SYPL2: variants seen among roughly 807,000 people sequenced by gnomAD.
The protein encoded by SYPL2 is synaptophysin like 2, also known as synaptophysin-like protein 2.
In SYPL2, 24 loss-of-function variants were observed where a neutral mutation model predicts 31.3. The observed-to-expected ratio is 0.77, with a 90% CI of 0.56 to 1.08. The LOEUF (loss-of-function observed/expected upper bound fraction) is 1.08, where lower values mean the gene tolerates loss of function less well. SYPL2 is among the 50% of genes least tolerant of loss of function. The probability of loss-of-function intolerance (pLI) is 0.00; values close to 1 mark genes in which losing one functional copy is unlikely to be tolerated. For synonymous variants in SYPL2, 144 were observed against 143.1 expected, an observed-to-expected ratio of 1.01 and a Z score of -0.05; for missense variants, 342 against 360.1, an observed-to-expected ratio of 0.95 and a Z score of 0.41.
Position 109,477,877 on chromosome 1 carries a change from C to T in SYPL2, c.516C>T (p.Gly172=), listed in dbSNP as rs778048184. ...GGCTGGTAGCTGCAGCTGCCTGGGG[C>T]AAGGGCCTGACCGATGTCAAGGGGG... The part of the protein sequence containing the change: ...FFWLVAAAAW[G]KGLTDVKGAT... The change falls in exon 5 of 6, where the codon GGC becomes GGT. Residue 172 remains glycine (G), a synonymous_variant. Transcript: ENST00000369872. 5.0e-6 allele frequency: 8 copies of T among 1,614,044 alleles called. No individual in the cohort carries two copies. The highest frequency in any genetic ancestry group is 6.8e-6 in the Non-Finnish European group (8 of 1,179,962).
chr1:109,467,961 T>C (rs980379381), intron 2 of SYPL2, among the ~76,000 whole-genome samples: 1 of 152,200 alleles, frequency 6.6e-6, no homozygotes, highest in Non-Finnish European at 1.5e-5. Context: ...TAGTTTGGTG[T>C]GCCAGAATAT....
At position 109,468,268 on chromosome 1, in the gene SYPL2, A is replaced by C. The variant is rs549362433; in HGVS notation, c.129+1135A>C. Reference sequence around the variant, plus strand: ...CAGTACAGAATTCAGCTAGGGAATAAGTTACCATTAATACTGAGGAGGATT... The same window carrying C: ...CAGTACAGAATTCAGCTAGGGAATACGTTACCATTAATACTGAGGAGGATT... On this transcript the variant is annotated intron_variant, in intron 2 of 5. Transcript: ENST00000369872. 5.3e-5 allele frequency among the ~76,000 whole-genome samples: 8 copies of C among 152,362 alleles called. No homozygotes were observed. The East Asian group carries it at 1.5e-3, about 29-fold the overall frequency.
At position 109,481,127 on chromosome 1, in the gene SYPL2, A is replaced by G. The variant is rs550050355; in HGVS notation, c.*1579A>G. 35 of 152,758 alleles carry G rather than the reference A, an allele frequency of 2.3e-4. No homozygotes were observed. Among genetic ancestry groups the G allele is most frequent in the African/African-American group, 8.4e-4 (35 of 41,560 alleles). The allele number at this position is 152,758 out of a possible 1,614,324, so 9.5% of individuals were successfully genotyped here. On this transcript the variant is annotated 3_prime_UTR_variant, in exon 6 of 6. Transcript: ENST00000369872. ...AAACACCATCCATAGTAACATGTGC[A>G]TTACTGGGGTACCTAGGAGTCAGGA...
chr1:109,472,204 C>G (rs1026024235), intron 2 of SYPL2, among the ~76,000 whole-genome samples: 5 of 151,914 alleles, frequency 3.3e-5, no homozygotes, highest in African/African-American at 1.2e-4. Flanking sequence ...GTAGCTTTGA[C>G]CTCCTGGGCT....
chr1:109,475,834 C>T (rs1487393471), intron 3 of SYPL2, 129 bp downstream of exon 3: 3 of 1,351,822 alleles, frequency 2.2e-6, no homozygotes, highest in Non-Finnish European at 3.0e-6. Flanking sequence ...AATAGAATGA[C>T]AAAACTTAGA....
rs1464452821 is a variant in SYPL2 at position 109,480,100 on chromosome 1, G to A, written c.*552G>A. 6.5e-6 allele frequency: 1 copy of A among 152,744 alleles called. No homozygotes were observed. Among genetic ancestry groups the A allele is most frequent in the Non-Finnish European group, 1.5e-5 (1 of 68,550 alleles). The allele number at this position is 152,744 out of a possible 1,614,324, so 9.5% of individuals were successfully genotyped here. A position where few individuals can be genotyped will look rare whatever the true frequency, so the allele number is the denominator to read the frequency against. ...AGTGTGCCTTCCACTGTCTTCTCTGGCCTCTGCCTGCCCACAGAATCCACC... is the reference window on the plus strand; with the variant it reads ...AGTGTGCCTTCCACTGTCTTCTCTGACCTCTGCCTGCCCACAGAATCCACC... On this transcript the variant is annotated 3_prime_UTR_variant, in exon 6 of 6. Coordinates refer to ENST00000369872, the MANE Select transcript of SYPL2 (RefSeq NM_001040709.2).
At chr1:109,467,239 A>C in intron 2 of SYPL2, 106 bp downstream of exon 2, 7 of 396,084 alleles carry the variant, frequency 1.8e-5, no homozygotes, top group Non-Finnish European at 2.3e-5. Context: ...CGGCCGGGCC[A>C]CGGCGGAAGG....
chr1:109,479,164 T>C (rs1656088974), intron 5 of SYPL2, among the ~76,000 whole-genome samples: 1 of 152,206 alleles, frequency 6.6e-6, no homozygotes, highest in Non-Finnish European at 1.5e-5. Flanking sequence ...GGGTGCATGG[T>C]GTGGACAGAA....
At position 109,470,780 on chromosome 1, in the gene SYPL2, G is replaced by C. The variant is rs145291952; in HGVS notation, c.129+3647G>C. Among the ~76,000 whole-genome samples the C allele has an allele frequency of 2.4e-3, 360 of 152,264 alleles. 1 individual carries two copies. The highest frequency in any genetic ancestry group is 3.7e-3 in the Non-Finnish European group (252 of 68,024). ...GGTTAGGAGACATGGAGGGGGTTGG[G>C]AGAAAGTGTCTTTCTGAGCTTCTGC... is the stretch of plus-strand genomic sequence containing the variant. On this transcript the variant is annotated intron_variant, in intron 2 of 5. Transcript: ENST00000369872.
intron 3 of SYPL2, 140 bp downstream of exon 3, chr1:109,475,845 T>C: frequency 3.9e-6 from 5 of 1,291,304 alleles, no homozygotes; most frequent in Non-Finnish European, 5.2e-6. Context: ...AAAACTTAGA[T>C]CCTTTCTGCT....
rs1656158278 is a variant in SYPL2 at position 109,481,447 on chromosome 1, TG to T, written c.*1904del. On this transcript the variant is annotated 3_prime_UTR_variant, in exon 6 of 6. Transcript: ENST00000369872. ...TCATTTTTCTTCAAGCCGGCCTCTG[TG>T]GGGGTCTGTGAGCAGCTTCTACTGG... 6.6e-6 allele frequency: 1 copy of T among 152,520 alleles called. No homozygotes were observed. Among genetic ancestry groups the T allele is most frequent in the African/African-American group, 2.4e-5 (1 of 41,368 alleles). 9.4% of individuals were successfully genotyped at this position (152,520 alleles called of 1,614,324 possible).
intron 2 of SYPL2, among the ~76,000 whole-genome samples, chr1:109,473,986 A>ACCTAGGTTTCCATACT (rs1162069708): frequency 6.6e-6 from 1 of 152,080 alleles, no homozygotes; most frequent in African/African-American, 2.4e-5. Context: ...CAGGTCTGGA[A>ACCTAGGTTTCCATACT]CCTAGGTTTC....
chr1:109,471,582 T>C (rs78303704), intron 2 of SYPL2, among the ~76,000 whole-genome samples: 1 of 16,758 alleles, frequency 6.0e-5, no homozygotes, highest in African/African-American at 1.2e-4. Flanking sequence ...CTGAACTGAA[T>C]TTTTTTTTTT....
chr1:109,479,423 T>G lies in SYPL2; in HGVS notation c.694T>G (p.Phe232Val). The G allele has an allele frequency of 1.2e-6, 2 of 1,614,148 alleles. No individual in the cohort carries two copies. Among genetic ancestry groups the G allele is most frequent in the African/African-American group, 1.3e-5 (1 of 75,024 alleles). The change falls in exon 6 of 6, where the codon TTT becomes GTT. Residue 232 changes from phenylalanine to valine, a missense_variant. By Grantham distance (50) the Phe-to-Val change is conservative. Transcript: ENST00000369872. ...CTTCCTGTGGGCCGGGAACTGTTGG[T>G]TTGTGTTCAAGGAGACCCCGTGGCA... ...NFFLWAGNCW[F>V]VFKETPWHGQ...
rs925974526 is a variant in SYPL2, at chr1:109,466,600, G to C, written c.-244G>C. On this transcript the variant is annotated 5_prime_UTR_variant, in exon 1 of 6. Coordinates refer to ENST00000369872, the MANE Select transcript of SYPL2 (RefSeq NM_001040709.2). ...GACAGAAGTTTGAATCCGAGTCGGG[G>C]GCTTTCTGCTGCCGGCGGGGCACCG... 4.9e-6 allele frequency: 2 copies of C among 406,948 alleles called. No homozygotes were observed. The highest frequency in any genetic ancestry group is 4.2e-5 in the African/African-American group (2 of 47,598). The allele number at this position is 406,948 out of a possible 1,614,324, so 25.2% of individuals were successfully genotyped here.
intron 2 of SYPL2, 180 bp from the exon 3 acceptor site, chr1:109,475,401 C>T (rs969291311): frequency 2.4e-6 from 2 of 820,014 alleles, no homozygotes; most frequent in African/African-American, 3.5e-5. Context: ...GTCCAGCAGC[C>T]TGAGGCTGGA....
Position 109,481,081 on chromosome 1 carries a change from C to T in SYPL2, c.*1533C>T, listed in dbSNP as rs541040449. Reference sequence around the variant, plus strand: ...CTCTCCTCAGGACTGAGTCAACCCCCTTCAACCTCCTCACCTCTCTAAACA... The same window carrying T: ...CTCTCCTCAGGACTGAGTCAACCCCTTTCAACCTCCTCACCTCTCTAAACA... On this transcript the variant is annotated 3_prime_UTR_variant, in exon 6 of 6. Transcript: ENST00000369872. 1.8e-4 allele frequency: 28 copies of T among 152,800 alleles called. No homozygotes were observed. The highest frequency in any genetic ancestry group is 6.7e-4 in the African/African-American group (28 of 41,564). 9.5% of individuals were successfully genotyped at this position (152,800 alleles called of 1,614,324 possible). A position where few individuals can be genotyped will look rare whatever the true frequency, so the allele number is the denominator to read the frequency against.
rs1386925097 is a variant in SYPL2, at chr1:109,479,651, C to T, written c.*103C>T. On this transcript the variant is annotated 3_prime_UTR_variant, in exon 6 of 6. Transcript: ENST00000369872. ...TCCTCCTCCAATTCCCCTCCCCCAT[C>T]ATTCTGGTCTTTGAGCTTTGAGACG... is the stretch of plus-strand genomic sequence containing the variant. 2.0e-6 allele frequency: 3 copies of T among 1,506,316 alleles called. No individual in the cohort carries two copies. The highest frequency in any genetic ancestry group is 2.8e-5 in the African/African-American group (2 of 72,132). The allele number at this position is 1,506,316 out of a possible 1,614,324, so 93.3% of individuals were successfully genotyped here.
Position 109,479,880 on chromosome 1 carries a change from A to T in SYPL2, c.*332A>T, listed in dbSNP as rs116320027. ...AGGTGAGGGTTGGGGGCAGGAAACC[A>T]GTGCTCTGAGACTGGTTCCTAGCAG... On this transcript the variant is annotated 3_prime_UTR_variant, in exon 6 of 6. Coordinates refer to ENST00000369872, the MANE Select transcript of SYPL2 (RefSeq NM_001040709.2). 7.2e-6 allele frequency: 2 copies of T among 277,730 alleles called. No individual in the cohort carries two copies. The highest frequency in any genetic ancestry group is 1.4e-4 in the East Asian group (2 of 14,588). The allele number at this position is 277,730 out of a possible 1,614,324, so 17.2% of individuals were successfully genotyped here.
Sources: gnomAD v4.1 joint callset for allele counts (sites outside exome capture counted in the v4.1 genomes callset) on GRCh38, gnomAD v4.1.1 for gene constraint, MANE v1.5 for transcripts, NCBI Gene and HGNC (gene_info 2026-07-23, HGNC 2026-07-21) for gene names.